Variants in KIF26B observed in about 807,000 individuals in gnomAD.
The protein encoded by KIF26B is kinesin family member 26B.
A neutral mutation model predicts 151.2 loss-of-function variants in KIF26B; 63 were observed. That is an observed-to-expected ratio of 0.42 (90% CI 0.34 to 0.51). KIF26B has a LOEUF of 0.51. Among genes scored for constraint, KIF26B ranks in the 20% least tolerant of loss-of-function variants. KIF26B has a pLI of 0.07. For synonymous variants in KIF26B, 1,357 were observed against 1,262.1 expected (o/e 1.08, Z -1.59); for missense variants, 2,813 against 2,913.6 (o/e 0.97, Z 0.79).
chr1:245,510,433 G>A (rs1015806637), intron 4 of KIF26B, among the ~76,000 whole-genome samples: 3 of 152,150 alleles, frequency 2.0e-5, no homozygotes, highest in African/African-American at 7.2e-5. Flanking sequence ...GGCTAAATGT[G>A]TACAGGGATG....
intron 10 of KIF26B, among the ~76,000 whole-genome samples, chr1:245,663,509 G>A (rs1238548022): frequency 4.6e-5 from 7 of 151,800 alleles, no homozygotes; most frequent in Non-Finnish European, 7.4e-5. Flanking sequence ...GTTTCTGCTG[G>A]CTCTTTCTCA....
chr1:245,239,191 G>A lies in KIF26B; in HGVS notation c.465+82508G>A, dbSNP rs920373012. 6.6e-5 allele frequency among the ~76,000 whole-genome samples: 10 copies of A among 152,128 alleles called. No individual in the cohort carries two copies. The highest frequency in any genetic ancestry group is 1.7e-4 in the African/African-American group (7 of 41,418). On this transcript the variant is annotated intron_variant, in intron 2 of 14. Transcript: ENST00000407071. This position sits in a 1 kb window ranked among gnomAD's most constrained non-coding sequence, Gnocchi z 4.3. ...AAGATGGACATGGGCAGGAGTTAAC[G>A]CGTCCTCCAGAGAATGCCTCCATGT... is the stretch of plus-strand genomic sequence containing the variant.
At chr1:245,171,405 G>A (rs1002302830) in intron 2 of KIF26B, among the ~76,000 whole-genome samples, 5 of 152,160 alleles carry the variant, frequency 3.3e-5, no homozygotes, top group African/African-American at 9.7e-5. Flanking sequence ...TTAGCTGGGT[G>A]TGGTGGCACA....
intron 4 of KIF26B, among the ~76,000 whole-genome samples, chr1:245,425,195 A>G (rs1658595011): frequency 6.6e-6 from 1 of 152,184 alleles, no homozygotes; most frequent in African/African-American, 2.4e-5. Context: ...TACCTTATAA[A>G]GTATGGAGTA....
At chr1:245,362,373 A>G (rs1161829923) in intron 2 of KIF26B, among the ~76,000 whole-genome samples, 2 of 150,952 alleles carry the variant, frequency 1.3e-5, no homozygotes, top group Non-Finnish European at 3.0e-5. Context: ...CTAAAAAAAA[A>G]AAAAAAAAAA....
At chr1:245,245,469 G>A (rs1670309759) in intron 2 of KIF26B, among the ~76,000 whole-genome samples, 1 of 152,118 alleles carries the variant, frequency 6.6e-6, no homozygotes, top group African/African-American at 2.4e-5. Context: ...TACACACCTG[G>A]CTCAGTCTAG....
chr1:245,286,435 A>C (rs1352181341), intron 2 of KIF26B, among the ~76,000 whole-genome samples: 1 of 151,970 alleles, frequency 6.6e-6, no homozygotes, highest in Non-Finnish European at 1.5e-5. Context: ...CCAGCTACCC[A>C]GTTGGGCGAG....
chr1:245,242,316 C>T (rs1277428108), intron 2 of KIF26B, among the ~76,000 whole-genome samples: 1 of 152,282 alleles, frequency 6.6e-6, no homozygotes, highest in African/African-American at 2.4e-5. Flanking sequence ...CTTCAAATCT[C>T]GTTTTATTTT....
chr1:245,586,021 G>A (rs1572142270), intron 5 of KIF26B, among the ~76,000 whole-genome samples: 1 of 151,988 alleles, frequency 6.6e-6, no homozygotes, highest in African/African-American at 2.4e-5. Context: ...TAGAGACAGG[G>A]TCTGCCTCTG....
At chr1:245,532,407 A>T (rs111292883) in intron 4 of KIF26B, among the ~76,000 whole-genome samples, 3 of 151,354 alleles carry the variant, frequency 2.0e-5, no homozygotes, top group East Asian at 2.0e-4. Flanking sequence ...CACCATGCCC[A>T]GCTAATTTTT....
At chr1:245,228,980 A>G (rs1669934597) in intron 2 of KIF26B, among the ~76,000 whole-genome samples, 1 of 151,906 alleles carries the variant, frequency 6.6e-6, no homozygotes, top group African/African-American at 2.4e-5. Context: ...TTCTTTATTT[A>G]TTTTGAGACA....
chr1:245,270,313 C>CTTT (rs370176984), intron 2 of KIF26B, among the ~76,000 whole-genome samples: 1 of 44,458 alleles, frequency 2.2e-5, no homozygotes. Context: ...CTTCCCTTCC[C>CTTT]CTCCTTCACT....
Position 245,410,340 on chromosome 1 carries a change from C to T in KIF26B, c.1000-9239C>T, listed in dbSNP as rs1283472705. On this transcript the variant is annotated intron_variant, in intron 3 of 14. Transcript: ENST00000407071. ...GGCCCTCTTCTCTTGACTCGGGCCTCACCGTTGATGGTCCTTATGACCACA... is the reference window on the plus strand; with the variant it reads ...GGCCCTCTTCTCTTGACTCGGGCCTTACCGTTGATGGTCCTTATGACCACA... Among the ~76,000 whole-genome samples the T allele has an allele frequency of 3.3e-5, 5 of 152,336 alleles. No individual in the cohort carries two copies. The East Asian group carries it at 9.6e-4, about 29-fold the overall frequency.
intron 2 of KIF26B, among the ~76,000 whole-genome samples, chr1:245,330,083 C>T (rs1465847797): frequency 6.6e-6 from 1 of 151,922 alleles, no homozygotes; most frequent in African/African-American, 2.4e-5. Flanking sequence ...AGCCACTGTG[C>T]CTGGCCCCCA....
At chr1:245,677,647 G>A (rs1244755089) in intron 10 of KIF26B, among the ~76,000 whole-genome samples, 2 of 152,216 alleles carry the variant, frequency 1.3e-5, no homozygotes, top group Non-Finnish European at 2.9e-5. Context: ...GCCAAGACAA[G>A]GCCACTTCTG....
At chr1:245,635,420 T>G in intron 9 of KIF26B, among the ~76,000 whole-genome samples, 1 of 152,302 alleles carries the variant, frequency 6.6e-6, no homozygotes, top group African/African-American at 2.4e-5. Context: ...TTTACTGGCA[T>G]AATGTTTCTT....
Position 245,540,919 on chromosome 1 carries a change from A to G in KIF26B, c.1319A>G (p.Asn440Ser). The G allele has an allele frequency of 1.2e-6, 2 of 1,613,794 alleles. No homozygotes were observed. Among genetic ancestry groups the G allele is most frequent in the Non-Finnish European group, 1.7e-6 (2 of 1,179,788 alleles). ...CCACCCTGCCTGCTGAGGGCTGTCA[A>G]CAAGGTGAAGGACACCCCGGGGCTG... Reference protein sequence around the residue: ...PAPPCLLRAVNKVKDTPGLGK... With the variant: ...PAPPCLLRAVSKVKDTPGLGK... Residue 440 changes from asparagine (N) to serine (S), a missense_variant, in exon 5 of 15, where the codon AAC becomes AGC. Physicochemically the swap from Asn to Ser is conservative, Grantham distance 46 (BLOSUM62 1). Coordinates refer to ENST00000407071, the MANE Select transcript of KIF26B (RefSeq NM_018012.4). The surrounding 1 kb of genome is among the most constrained non-coding windows in gnomAD (Gnocchi z 4.6).
At chr1:245,502,548 A>AG (rs945704013) in intron 4 of KIF26B, among the ~76,000 whole-genome samples, 1 of 149,742 alleles carries the variant, frequency 6.7e-6, no homozygotes, top group Non-Finnish European at 1.5e-5. Flanking sequence ...AAAAAAAAAA[A>AG]AAGAAGAAGA....
chr1:245,306,601 A>C (rs1671543301), intron 2 of KIF26B, among the ~76,000 whole-genome samples: 1 of 152,180 alleles, frequency 6.6e-6, no homozygotes, highest in Non-Finnish European at 1.5e-5. Flanking sequence ...ATACAGTCTA[A>C]ACTCTGCAGC....
Sources: gnomAD v4.1 joint callset for allele counts (sites outside exome capture counted in the v4.1 genomes callset) on GRCh38, gnomAD v4.1.1 for gene constraint, Gnocchi (gnomAD v3.1) non-coding constraint, MANE v1.5 for transcripts, NCBI Gene and HGNC (gene_info 2026-07-23, HGNC 2026-07-21) for gene names.